Variants in RP1 observed in about 807,000 individuals in gnomAD.
RP1 encodes the protein oxygen-regulated protein 1.
In RP1, 16 loss-of-function variants were observed where a neutral mutation model predicts 14.8. The observed-to-expected ratio is 1.08, with a 90% confidence interval of 0.73 to 1.65. The LOEUF is 1.65. RP1 is among the 40% of genes most tolerant of loss of function. The pLI, the probability that RP1 is intolerant of heterozygous loss-of-function variation, is 0.00. For missense variants in RP1, 2,631 were observed against 2,535.0 expected (o/e 1.04, Z -0.81); for synonymous variants, 876 against 883.6 (o/e 0.99, Z 0.15).
At chr8:54,837,618 G>A (rs1208722925) in exon 25 of RP1, 12 of 1,231,798 alleles carry the variant, frequency 9.7e-6, no homozygotes, top group African/African-American at 3.1e-5. Flanking sequence ...AAATGATGGC[G>A]ATCTATGGAA....
At chr8:54,795,353 A>T (rs558763635) in intron 24 of RP1, among the ~76,000 whole-genome samples, 48 of 152,280 alleles carry the variant, frequency 3.2e-4, no homozygotes, top group African/African-American at 1.1e-3. Context: ...GAATGAATAG[A>T]TAAACATAAA....
chr8:54,579,552 T>C (rs540294338), intron 1 of RP1, among the ~76,000 whole-genome samples: 11 of 152,272 alleles, frequency 7.2e-5, no homozygotes, highest in Non-Finnish European at 1.2e-4. Flanking sequence ...TTCTCTTACA[T>C]CCTGTGTCAG....
At chr8:54,728,904 A>ACGTAGTT (rs1259261464) in intron 17 of RP1, among the ~76,000 whole-genome samples, 5 of 152,160 alleles carry the variant, frequency 3.3e-5, no homozygotes, top group African/African-American at 1.2e-4. Context: ...ATCAACATAG[A>ACGTAGTT]CGTAGTTCTG....
chr8:54,585,172 G>T (rs191657325), intron 1 of RP1, among the ~76,000 whole-genome samples: 43 of 152,322 alleles, frequency 2.8e-4, no homozygotes, highest in Admixed American at 2.8e-3. Flanking sequence ...TCCTTCAGGA[G>T]CTCTTTTAGG....
intron 12 of RP1, among the ~76,000 whole-genome samples, chr8:54,691,881 A>G (rs1434626175): frequency 1.3e-5 from 2 of 151,976 alleles, no homozygotes; most frequent in Non-Finnish European, 2.9e-5. Flanking sequence ...TTTGTTACAT[A>G]TGTATACATG....
intron 19 of RP1, among the ~76,000 whole-genome samples, chr8:54,741,707 G>GTGTATATATATATATATATA (rs1554528860): frequency 1.7e-5 from 1 of 58,036 alleles, no homozygotes; most frequent in African/African-American, 7.4e-5. Flanking sequence ...AAATGTGTGT[G>GTGTATATATATATATATATA]TATATATATA....
chr8:54,834,922 A>G (rs1459887119), intron 24 of RP1, among the ~76,000 whole-genome samples: 1 of 152,142 alleles, frequency 6.6e-6, no homozygotes, highest in South Asian at 2.1e-4. Flanking sequence ...TGGTGTTCCA[A>G]TGTTTTTCTC....
intron 24 of RP1, among the ~76,000 whole-genome samples, chr8:54,818,591 C>T (rs1811187243): frequency 6.6e-6 from 1 of 152,160 alleles, no homozygotes; most frequent in Non-Finnish European, 1.5e-5. Flanking sequence ...ATGTCAGGCT[C>T]AGCTTTACTT....
rs1371333451 is a variant in RP1, at chr8:54,697,379, A to AC, written c.1718-2084dup. ...AGATCAGCCTGACCAACATGGAGAA[A>AC]CCCCGTCTCTACGAAAAATACAAAA... On this transcript the variant is annotated intron_variant, in intron 12 of 22. Coordinates refer to the RP1 transcript ENST00000636932. Among the ~76,000 whole-genome samples, 27 of 152,048 alleles carry AC rather than the reference A, an allele frequency of 1.8e-4. No homozygotes were observed. In the East Asian group the frequency reaches 5.2e-3, roughly 29 times the overall value.
intron 1 of RP1, among the ~76,000 whole-genome samples, chr8:54,581,017 T>C (rs7015166): frequency 5.9e-5 from 9 of 152,008 alleles, no homozygotes; most frequent in African/African-American, 2.2e-4. Flanking sequence ...TATTTTTTTT[T>C]ATTATACTTT....
At chr8:54,695,793 T>A (rs1807845646) in intron 12 of RP1, among the ~76,000 whole-genome samples, 1 of 152,170 alleles carries the variant, frequency 6.6e-6, no homozygotes, top group Non-Finnish European at 1.5e-5. Flanking sequence ...CTAGTTCTTG[T>A]TTCTTTCCTT....
chr8:54,760,539 A>T (rs948263459), intron 22 of RP1, among the ~76,000 whole-genome samples: 1 of 152,212 alleles, frequency 6.6e-6, no homozygotes, highest in Non-Finnish European at 1.5e-5. Flanking sequence ...TTTTAATCAC[A>T]TCACTCTCCT....
At chr8:54,764,002 T>G (rs1021936866) in intron 22 of RP1, among the ~76,000 whole-genome samples, 4 of 152,152 alleles carry the variant, frequency 2.6e-5, no homozygotes, top group African/African-American at 9.7e-5. Context: ...ATGGCTAGAA[T>G]AGACTATCAG....
Position 54,625,026 on chromosome 8 carries a change from C to T in RP1, c.1144C>T (p.Leu382Phe). 3 of 1,614,158 alleles carry T rather than the reference C, an allele frequency of 1.9e-6. No homozygotes were observed. The highest frequency in any genetic ancestry group is 1.7e-6 in the Non-Finnish European group (2 of 1,180,016). The stretch of plus-strand genomic sequence containing the variant: ...AGAAAGTCGATCATCTGGTTTAAAG[C>T]TTGCAGCATGTTCATTCTCTGCAGA... ...RTESRSSGLK[L>F]AACSFSADVS... Residue 382 changes from leucine to phenylalanine, a missense_variant, in exon 4 of 4, where the codon CTT (leucine) becomes TTT (phenylalanine). Transcript: ENST00000220676.
At chr8:54,582,141 A>C (rs1332492589) in intron 1 of RP1, among the ~76,000 whole-genome samples, 1 of 152,204 alleles carries the variant, frequency 6.6e-6, no homozygotes, top group African/African-American at 2.4e-5. Context: ...TTTAGGTCTA[A>C]CATTTACGTC....
intron 1 of RP1, among the ~76,000 whole-genome samples, chr8:54,605,422 A>G (rs533222576): frequency 4.6e-5 from 7 of 152,176 alleles, no homozygotes; most frequent in Non-Finnish European, 7.4e-5. Context: ...TATAATTTCT[A>G]TTCTTTTACA....
At chr8:54,694,914 G>GGT (rs1308360391) in intron 12 of RP1, among the ~76,000 whole-genome samples, 2 of 151,920 alleles carry the variant, frequency 1.3e-5, no homozygotes, top group Non-Finnish European at 2.9e-5. Context: ...GTGATGTTAG[G>GGT]ATGTCAATTT....
At chr8:54,767,932 A>G (rs898035047) in intron 22 of RP1, among the ~76,000 whole-genome samples, 2 of 152,208 alleles carry the variant, frequency 1.3e-5, no homozygotes, top group African/African-American at 4.8e-5. Flanking sequence ...GAGATGAGCA[A>G]TCCTGACAGC....
At chr8:54,812,762 C>CTATCTATCT (rs1554535887) in intron 24 of RP1, among the ~76,000 whole-genome samples, 2 of 145,164 alleles carry the variant, frequency 1.4e-5, no homozygotes, top group Non-Finnish European at 3.0e-5. Flanking sequence ...ATCTATCTAT[C>CTATCTATCT]ATCTATCTAT....
Sources: allele counts gnomAD v4.1 joint callset (sites outside exome capture counted in the v4.1 genomes callset), GRCh38; gene constraint gnomAD v4.1.1; transcripts MANE v1.5; gene names NCBI Gene and HGNC (gene_info 2026-07-23, HGNC 2026-07-21).